The following C20orf203 variants were observed in gnomAD, a reference collection of about 807,000 sequenced individuals.
C20orf203 encodes chromosome 20 open reading frame 203.
C20orf203 carries 16 observed loss-of-function variants against 15.9 expected under a neutral mutation model. That is an observed-to-expected ratio of 1.01 (90% CI 0.68 to 1.53). The LOEUF (loss-of-function observed/expected upper bound fraction) is 1.53, where lower values mean the gene tolerates loss of function less well. C20orf203 is among the 40% of genes most tolerant of loss of function. The pLI, the probability that C20orf203 is intolerant of heterozygous loss-of-function variation, is 0.00. For missense variants in C20orf203, 263 were observed against 247.5 expected (o/e 1.06, Z -0.42); for synonymous variants, 98 against 97.2 (o/e 1.01, Z -0.05).
At chr20:32,644,408 A>AC (rs1982366819) in intron 4 of C20orf203, among the ~76,000 whole-genome samples, 1 of 152,192 alleles carries the variant, frequency 6.6e-6, no homozygotes, top group Admixed American at 6.5e-5. Flanking sequence ...AGATCGTACC[A>AC]CTGCACTCCA....
At chr20:32,634,925 C>T (rs1258664093) in intron 5 of C20orf203, among the ~76,000 whole-genome samples, 2 of 152,170 alleles carry the variant, frequency 1.3e-5, no homozygotes, top group Non-Finnish European at 2.9e-5. Flanking sequence ...TTCAGCCAGA[C>T]GCGGTCTCTC....
At chr20:32,635,612 T>G (rs1982117992) in intron 5 of C20orf203, among the ~76,000 whole-genome samples, 1 of 150,800 alleles carries the variant, frequency 6.6e-6, no homozygotes, top group South Asian at 2.1e-4. Context: ...GCCCAGGAGT[T>G]CAAGACCAGC....
At chr20:32,644,132 C>T (rs977409799) in intron 4 of C20orf203, among the ~76,000 whole-genome samples, 26 of 152,304 alleles carry the variant, frequency 1.7e-4, no homozygotes, top group African/African-American at 6.3e-4. Context: ...CAGAAGGTGG[C>T]GTCTGCGAGG....
Position 32,650,766 on chromosome 20 carries a change from G to A in C20orf203, c.251C>T (p.Pro84Leu), listed in dbSNP as rs8184330. Residue 84 changes from proline (P) to leucine (L), a missense_variant, in exon 4 of 6, where the codon CCT becomes CTT. Physicochemically the swap from Pro to Leu is moderately conservative, Grantham distance 98. Transcript: ENST00000608990. ...VHPQPSHQRQ[P>L]PPPQHPGPYQ... ...AGGGCCTGGGTGTTGCGGAGGAGGA[G>A]GCTGGCGCTGGTGGCTGGGCTGGGG... The A allele has an allele frequency of 6.6e-7, 1 of 1,518,622 alleles. No individual in the cohort carries two copies. The highest frequency in any genetic ancestry group is 8.8e-7 in the Non-Finnish European group (1 of 1,130,408). The allele number at this position is 1,518,622 out of a possible 1,614,324, so 94.1% of individuals were successfully genotyped here.
At chr20:32,639,193 A>G (rs945661081) in intron 5 of C20orf203, among the ~76,000 whole-genome samples, 1 of 152,252 alleles carries the variant, frequency 6.6e-6, no homozygotes, top group African/African-American at 2.4e-5. Context: ...CAGTCCAGCA[A>G]AGGGCTCAGC....
At position 32,650,296 on chromosome 20, in the gene C20orf203, C is replaced by A. The variant is rs1600932296; in HGVS notation, c.*136G>T. 1 of 658,286 alleles carries A rather than the reference C, an allele frequency of 1.5e-6. No homozygotes were observed. The highest frequency in any genetic ancestry group is 2.7e-5 in the East Asian group (1 of 36,572). 40.8% of individuals were successfully genotyped at this position (658,286 alleles called of 1,614,324 possible). A position where few individuals can be genotyped will look rare whatever the true frequency, so the allele number is the denominator to read the frequency against. On this transcript the variant is annotated 3_prime_UTR_variant, in exon 4 of 6. Coordinates refer to ENST00000608990, the MANE Select transcript of C20orf203 (RefSeq NM_182584.4). ...GCCCAGAATCTCCTTGAGGTTTCAG[C>A]TGGGCGTGCCGGGCCCATCCCCCAC...
chr20:32,650,524 A>C lies in C20orf203; in HGVS notation c.493T>G (p.Phe165Val), dbSNP rs1435184887. ...TTGCCTGGCAAGGATGGGAGGCAGA[A>C]GTCCTGGAAACATGTTGAGGTCCAG... Reference protein sequence around the residue: ...LAWTSTCFQDFCLPSLPGKLP... With the variant: ...LAWTSTCFQDVCLPSLPGKLP... The change falls in exon 4 of 6, where the codon TTC becomes GTC. Residue 165 changes from phenylalanine (F) to valine (V), a missense_variant. Physicochemically the swap from Phe to Val is conservative, Grantham distance 50. Coordinates refer to ENST00000608990, the MANE Select transcript of C20orf203 (RefSeq NM_182584.4). The C allele has an allele frequency of 6.4e-7, 1 of 1,550,494 alleles. No individual in the cohort carries two copies. Among genetic ancestry groups the C allele is most frequent in the South Asian group, 1.2e-5 (1 of 84,064 alleles).
chr20:32,650,442 A>G lies in C20orf203; in HGVS notation c.575T>C (p.Leu192Pro), dbSNP rs764433662. 2.2e-4 allele frequency: 342 copies of G among 1,549,486 alleles called. No individual in the cohort carries two copies. Among genetic ancestry groups the G allele is most frequent in the Non-Finnish European group, 2.9e-4 (330 of 1,146,298 alleles). ...QQFLSNSSRS[L>P]FN ...GCGCCCTGGGCTCGGCTAATTAAAC[A>G]GCGACCGTGATGAATTGGAGAGAAA... is the stretch of plus-strand genomic sequence containing the variant. Residue 192 changes from leucine (L) to proline (P), a missense_variant, in exon 4 of 6, where the codon CTG becomes CCG. By Grantham distance (98) the Leu-to-Pro change is moderately conservative. Coordinates refer to ENST00000608990, the MANE Select transcript of C20orf203 (RefSeq NM_182584.4).
chr20:32,643,971 A>G (rs1982356094), intron 4 of C20orf203, among the ~76,000 whole-genome samples: 1 of 152,160 alleles, frequency 6.6e-6, no homozygotes, highest in African/African-American at 2.4e-5. Context: ...GCCCTGCCAC[A>G]GGGATCAGAG....
chr20:32,651,064 G>T lies in C20orf203; in HGVS notation c.89C>A (p.Pro30His). The change falls in exon 3 of 6, where the codon CCT (proline) becomes CAT (histidine). Residue 30 changes from proline to histidine, a missense_variant. Pro to His is a moderately conservative substitution (Grantham distance 77). Transcript: ENST00000608990. ...TGTAAAGGGAAAACTGGCCAGGCGA[G>T]GTGGCCACTGCCTGTGATCCAGCAT... ...PNMLDHRQWP[P>H]RLASFPFTKT... The T allele has an allele frequency of 6.5e-7, 1 of 1,528,602 alleles. No homozygotes were observed. The highest frequency in any genetic ancestry group is 1.2e-5 in the South Asian group (1 of 81,362). The allele number at this position is 1,528,602 out of a possible 1,614,324, so 94.7% of individuals were successfully genotyped here.
intron 1 of C20orf203, among the ~76,000 whole-genome samples, chr20:32,664,528 C>T (rs745443350): frequency 3.9e-5 from 6 of 152,212 alleles, no homozygotes; most frequent in Non-Finnish European, 7.3e-5. Context: ...TCAGGTCACC[C>T]GTTGGCTTGC....
At chr20:32,640,192 A>G (rs900000094) in intron 5 of C20orf203, among the ~76,000 whole-genome samples, 13 of 152,244 alleles carry the variant, frequency 8.5e-5, no homozygotes, top group African/African-American at 3.1e-4. Context: ...TCATTAAAAT[A>G]TTAACAGTAG....
chr20:32,658,681 T>C (rs1448402566), intron 1 of C20orf203, among the ~76,000 whole-genome samples: 2 of 152,092 alleles, frequency 1.3e-5, no homozygotes, highest in African/African-American at 2.4e-5. Flanking sequence ...GAAAAAACAA[T>C]AAAGCTTTTT....
intron 1 of C20orf203, among the ~76,000 whole-genome samples, chr20:32,671,967 G>A (rs1479784376): frequency 6.6e-5 from 10 of 151,926 alleles, no homozygotes; most frequent in Non-Finnish European, 1.2e-4. Flanking sequence ...AAAAATGTCC[G>A]GAGGTCTTCT....
rs540453884 is a variant in C20orf203, at chr20:32,653,953, C to T, written c.-263-1972G>A. ...ACTAAAAATACAAAAATTAGCCAGG[C>T]GTGGTGGTGTGTGCCTGTAACCCCA... On this transcript the variant is annotated intron_variant, in intron 1 of 5. Coordinates refer to ENST00000608990, the MANE Select transcript of C20orf203 (RefSeq NM_182584.4). Among the ~76,000 whole-genome samples the T allele has an allele frequency of 1.8e-4, 27 of 151,990 alleles. No homozygotes were observed. The East Asian group carries it at 3.5e-3, about 20-fold the overall frequency.
In C20orf203 at chr20:32,631,871, C is replaced by T. The variant is rs1982003247; in HGVS notation, c.*3699G>A. 6.6e-6 allele frequency: 1 copy of T among 152,258 alleles called. No homozygotes were observed. Among genetic ancestry groups the T allele is most frequent in the South Asian group, 2.1e-4 (1 of 4,832 alleles). The allele number at this position is 152,258 out of a possible 1,614,324, so 9.4% of individuals were successfully genotyped here. On this transcript the variant is annotated 3_prime_UTR_variant, in exon 6 of 6. Coordinates refer to ENST00000608990, the MANE Select transcript of C20orf203 (RefSeq NM_182584.4). ...GACTCTTCCTAAATCCACTGTGGCT[C>T]CCTCTCCCCAAGGCCAGAGCCAGAG...
chr20:32,634,287 G>T lies in C20orf203; in HGVS notation c.*1300-17C>A. 2.5e-6 allele frequency: 1 copy of T among 398,434 alleles called. No homozygotes were observed. The highest frequency in any genetic ancestry group is 4.4e-6 in the Non-Finnish European group (1 of 226,084). 24.7% of individuals were successfully genotyped at this position (398,434 alleles called of 1,614,324 possible). A position where few individuals can be genotyped will look rare whatever the true frequency, so the allele number is the denominator to read the frequency against. The stretch of plus-strand genomic sequence containing the variant: ...TGCTGGAGTCTGGAAAGATAAGAAA[G>T]AATTAGCAAGACAGGCATTGGGAGG... On this transcript the variant is annotated splice_polypyrimidine_tract_variant and intron_variant, in intron 5 of 5. Transcript: ENST00000608990.
rs1323183483 is a variant in C20orf203 at position 32,650,264 on chromosome 20, C to T, written c.*168G>A. The stretch of plus-strand genomic sequence containing the variant: ...GTTTGCTGAATGCCTTGAATACAAG[C>T]GCCGGTGCCCAGAATCTCCTTGAGG... On this transcript the variant is annotated 3_prime_UTR_variant, in exon 4 of 6. Coordinates refer to ENST00000608990, the MANE Select transcript of C20orf203 (RefSeq NM_182584.4). 8.2e-6 allele frequency: 5 copies of T among 610,080 alleles called. No homozygotes were observed. The highest frequency in any genetic ancestry group is 5.9e-5 in the Admixed American group (2 of 33,946). The allele number at this position is 610,080 out of a possible 1,614,324, so 37.8% of individuals were successfully genotyped here.
At position 32,650,535 on chromosome 20, in the gene C20orf203, C is replaced by T. The variant is rs547359599; in HGVS notation, c.482G>A (p.Cys161Tyr). Residue 161 changes from cysteine (C) to tyrosine (Y), a missense_variant, in exon 4 of 6, where the codon TGT becomes TAT. By Grantham distance (194) the Cys-to-Tyr change is radical. Coordinates refer to ENST00000608990, the MANE Select transcript of C20orf203 (RefSeq NM_182584.4). ...GGATGGGAGGCAGAAGTCCTGGAAACATGTTGAGGTCCAGGCCAGCGAGGA... is the reference window on the plus strand; with the variant it reads ...GGATGGGAGGCAGAAGTCCTGGAAATATGTTGAGGTCCAGGCCAGCGAGGA... ...ALSSLAWTST[C>Y]FQDFCLPSLP... The T allele has an allele frequency of 1.1e-5, 17 of 1,550,052 alleles. No homozygotes were observed. In the East Asian group the frequency reaches 4.2e-4, roughly 38 times the overall value.
Sources: gnomAD v4.1 joint callset for allele counts (sites outside exome capture counted in the v4.1 genomes callset) on GRCh38, gnomAD v4.1.1 for gene constraint, MANE v1.5 for transcripts, NCBI Gene and HGNC (gene_info 2026-07-23, HGNC 2026-07-21) for gene names.